Variants in MAF observed in about 807,000 individuals in gnomAD.
The protein encoded by MAF is transcription factor Maf.
MAF carries 10 observed loss-of-function variants against 22.0 expected under a neutral mutation model. That is an observed-to-expected ratio of 0.45 (90% CI 0.28 to 0.77). The LOEUF (loss-of-function observed/expected upper bound fraction) is 0.77. MAF is among the 30% of genes least tolerant of loss of function. MAF has a pLI of 0.12. For missense variants in MAF, 544 were observed against 548.4 expected (o/e 0.99, Z 0.08); for synonymous variants, 337 against 255.8 (o/e 1.32, Z -3.03).
the MAF span, among the ~76,000 whole-genome samples, chr16:79,541,718 G>A: frequency 2.7e-5 from 4 of 147,124 alleles, no homozygotes; most frequent in Non-Finnish European, 5.9e-5. Context: ...AGGCTGGAGT[G>A]CAATCTTAGC....
chr16:79,218,292 C>G, the MAF span, among the ~76,000 whole-genome samples: 10 of 147,630 alleles, frequency 6.8e-5, no homozygotes, highest in Admixed American at 2.1e-4. Context: ...TAATGGCTAC[C>G]TCATATATCA....
chr16:79,498,062 A>G, the MAF span, among the ~76,000 whole-genome samples: 3 of 152,222 alleles, frequency 2.0e-5, no homozygotes, highest in Non-Finnish European at 2.9e-5. Context: ...CCTTGCACCC[A>G]GATGAAATCA....
the MAF span, among the ~76,000 whole-genome samples, chr16:79,439,493 C>G: frequency 2.6e-5 from 4 of 152,072 alleles, no homozygotes; most frequent in Non-Finnish European, 5.9e-5. Flanking sequence ...ATCTCCTGAC[C>G]TCATGATCCA....
At chr16:79,465,096 G>C in the MAF span, among the ~76,000 whole-genome samples, 1 of 152,148 alleles carries the variant, frequency 6.6e-6, no homozygotes, top group Non-Finnish European at 1.5e-5. Flanking sequence ...CATCCTATGA[G>C]GGTTCAACAT....
chr16:79,500,662 A>G, the MAF span, among the ~76,000 whole-genome samples: 2 of 152,082 alleles, frequency 1.3e-5, no homozygotes, highest in South Asian at 2.1e-4. Context: ...GGCTCAGAGT[A>G]TGCTCCCTGG....
chr16:79,594,805 C>G (rs186417451), intron 1 of MAF: 3 of 1,282,236 alleles, frequency 2.3e-6, no homozygotes, highest in South Asian at 1.8e-5. Flanking sequence ...TAGGAGTTAA[C>G]CTTCTCTTAC....
the MAF span, among the ~76,000 whole-genome samples, chr16:79,505,871 G>C: frequency 3.9e-5 from 6 of 152,034 alleles, no homozygotes; most frequent in East Asian, 1.2e-3. Context: ...ACCAGAATGC[G>C]GGAGAACTTG....
At chr16:79,350,256 C>T in the MAF span, among the ~76,000 whole-genome samples, 4 of 152,132 alleles carry the variant, frequency 2.6e-5, no homozygotes, top group African/African-American at 9.7e-5. Context: ...GTAAGTTAAC[C>T]AGCACTTCTA....
At chr16:79,547,477 T>A in the MAF span, among the ~76,000 whole-genome samples, 1 of 151,994 alleles carries the variant, frequency 6.6e-6, no homozygotes, top group Non-Finnish European at 1.5e-5. Flanking sequence ...TCCAAATTTA[T>A]ACACACACAC....
the MAF span, among the ~76,000 whole-genome samples, chr16:79,373,891 T>C: frequency 1.3e-5 from 2 of 152,228 alleles, no homozygotes; most frequent in African/African-American, 2.4e-5. Flanking sequence ...TATTCTGCTA[T>C]GTGCAACATA....
the MAF span, among the ~76,000 whole-genome samples, chr16:79,417,102 A>C: frequency 6.6e-6 from 1 of 152,162 alleles, no homozygotes. Flanking sequence ...TTTTAGCAAA[A>C]GTTATTCAGC....
the MAF span, among the ~76,000 whole-genome samples, chr16:79,524,259 T>C: frequency 0.19 from 29,547 of 152,176 alleles, 3,623 homozygotes; most frequent in Non-Finnish European, 0.28. Flanking sequence ...GTTAATTTGC[T>C]GCATTAGCCG....
chr16:79,325,408 G>C, the MAF span, among the ~76,000 whole-genome samples: 3 of 152,102 alleles, frequency 2.0e-5, no homozygotes, highest in Admixed American at 2.0e-4. Context: ...GTGTGACTCA[G>C]GTATGATCAT....
chr16:79,576,329 T>TA, the MAF span, among the ~76,000 whole-genome samples: 1 of 151,216 alleles, frequency 6.6e-6, no homozygotes, highest in African/African-American at 2.4e-5. Flanking sequence ...GGCGATTGAT[T>TA]AAAAAACTGG....
chr16:79,523,515 C>T, the MAF span, among the ~76,000 whole-genome samples: 1 of 152,218 alleles, frequency 6.6e-6, no homozygotes, highest in East Asian at 1.9e-4. Context: ...CTGCTGAACA[C>T]CAACTGCAGC....
chr16:79,256,579 T>A, the MAF span, among the ~76,000 whole-genome samples: 5 of 152,126 alleles, frequency 3.3e-5, no homozygotes, highest in Admixed American at 3.3e-4. Context: ...GACAGTGAGA[T>A]GACTGATAAG....
the MAF span, among the ~76,000 whole-genome samples, chr16:79,550,938 G>C: frequency 1.3e-5 from 2 of 152,150 alleles, no homozygotes; most frequent in African/African-American, 4.8e-5. Context: ...GGCCACTGCA[G>C]ACTCTTTCCA....
chr16:79,506,104 T>C, the MAF span, among the ~76,000 whole-genome samples: 3 of 152,058 alleles, frequency 2.0e-5, no homozygotes, highest in Admixed American at 6.6e-5. Flanking sequence ...CATAATTTGA[T>C]CCCCAAGAGT....
chr16:79,592,756 T>C (rs1913259480), downstream of MAF, among the ~76,000 whole-genome samples: 1 of 152,180 alleles, frequency 6.6e-6, no homozygotes, highest in South Asian at 2.1e-4. Flanking sequence ...TTGTAGCCTA[T>C]CACTGCAGAT....
Sources: gnomAD v4.1 joint callset for allele counts (sites outside exome capture counted in the v4.1 genomes callset) on GRCh38, gnomAD v4.1.1 for gene constraint, MANE v1.5 for transcripts, NCBI Gene and HGNC (gene_info 2026-07-23, HGNC 2026-07-21) for gene names.